CACNA1B: variants seen among roughly 807,000 people sequenced by gnomAD.
The protein encoded by CACNA1B is voltage-dependent N-type calcium channel subunit alpha-1B.
In CACNA1B, 70 loss-of-function variants were observed where a neutral mutation model predicts 247.2. The observed-to-expected ratio is 0.28, with a 90% confidence interval of 0.23 to 0.35. The LOEUF (loss-of-function observed/expected upper bound fraction) is 0.35. Among genes scored for constraint, CACNA1B ranks in the 10% least tolerant of loss-of-function variants. The pLI is 1.00. For missense variants in CACNA1B, 2,367 were observed against 3,197.4 expected, an observed-to-expected ratio of 0.74 and a Z score of 6.26; for synonymous variants, 1,231 against 1,294.4, an observed-to-expected ratio of 0.95 and a Z score of 1.05.
chr9:138,043,104 C>A (rs547736750), intron 20 of CACNA1B, among the ~76,000 whole-genome samples: 1 of 152,268 alleles, frequency 6.6e-6, no homozygotes, highest in South Asian at 2.1e-4. Flanking sequence ...AACAAGGTGG[C>A]GGCCATATTA....
At chr9:138,096,233 G>A (rs1195441045) in intron 36 of CACNA1B, among the ~76,000 whole-genome samples, 4 of 152,132 alleles carry the variant, frequency 2.6e-5, no homozygotes, top group African/African-American at 9.7e-5. Flanking sequence ...AGAGAGGAAG[G>A]GAGGGAGGGT....
chr9:137,955,912 G>A lies in CACNA1B; in HGVS notation c.1186+99G>A. 1.2e-6 allele frequency: 1 copy of A among 802,086 alleles called. No homozygotes were observed. Among genetic ancestry groups the A allele is most frequent in the South Asian group, 1.5e-5 (1 of 68,210 alleles). The allele number at this position is 802,086 out of a possible 1,614,324, so 49.7% of individuals were successfully genotyped here. ...CCAGCTGGGGTGCCCTGGCTGCTGG[G>A]TAGAGCCTGAAGGGATTTTGTAGTG... On this transcript the variant is annotated intron_variant, in intron 8 of 46. Transcript: ENST00000371372. The surrounding 1 kb of genome is among the most constrained non-coding windows in gnomAD (Gnocchi z 6.9).
At chr9:138,043,922 T>C in intron 21 of CACNA1B, 22 bp downstream of exon 21, 1 of 1,609,388 alleles carries the variant, frequency 6.2e-7, no homozygotes, top group Non-Finnish European at 8.5e-7. Context: ...TGCCTGCTGG[T>C]GTGTGTGGCC....
intron 10 of CACNA1B, among the ~76,000 whole-genome samples, chr9:137,966,615 T>G (rs1958079694): frequency 6.6e-6 from 1 of 151,712 alleles, no homozygotes. Context: ...CTCAGCTCCC[T>G]GCAACCTCTG....
chr9:137,987,027 C>T (rs1012005284), intron 15 of CACNA1B, among the ~76,000 whole-genome samples, 173 bp downstream of exon 15: 6 of 152,238 alleles, frequency 3.9e-5, no homozygotes, highest in Non-Finnish European at 7.3e-5. Flanking sequence ...CAGCAACCTG[C>T]AGATCTCCAG....
chr9:138,089,220 G>A (rs1189822721), intron 36 of CACNA1B, among the ~76,000 whole-genome samples: 1 of 151,902 alleles, frequency 6.6e-6, no homozygotes, highest in Non-Finnish European at 1.5e-5. Flanking sequence ...GAAACTATAG[G>A]CCAATATTTC....
chr9:138,007,703 C>T lies in CACNA1B; in HGVS notation c.2092+819C>T, dbSNP rs1469198449. Reference sequence around the variant, plus strand: ...GCATTCTCACAGGCTGCAGGGGGAGCCCGTGTTTCTGTTCTGGGGACCCCA... The same window carrying T: ...GCATTCTCACAGGCTGCAGGGGGAGTCCGTGTTTCTGTTCTGGGGACCCCA... On this transcript the variant is annotated intron_variant, in intron 16 of 46. Transcript: ENST00000371372. The surrounding 1 kb of genome is among the most constrained non-coding windows in gnomAD (Gnocchi z 4.1). 3.9e-5 allele frequency among the ~76,000 whole-genome samples: 6 copies of T among 152,106 alleles called. No individual in the cohort carries two copies. Among genetic ancestry groups the T allele is most frequent in the African/African-American group, 4.8e-5 (2 of 41,418 alleles).
chr9:137,892,442 G>A, intron 3 of CACNA1B: 1 of 439,838 alleles, frequency 2.3e-6, no homozygotes, highest in Non-Finnish European at 4.6e-6. Context: ...GTGCATCATT[G>A]CATCGTGAAA....
chr9:138,070,613 A>G (rs1960093416), intron 32 of CACNA1B, among the ~76,000 whole-genome samples: 1 of 152,244 alleles, frequency 6.6e-6, no homozygotes, highest in African/African-American at 2.4e-5. Context: ...TTTGTGATAC[A>G]GCGATTCACA....
intron 3 of CACNA1B, among the ~76,000 whole-genome samples, chr9:137,900,413 T>G (rs1444368724): frequency 6.6e-6 from 1 of 152,066 alleles, no homozygotes; most frequent in African/African-American, 2.4e-5. Flanking sequence ...TGACTGCTGT[T>G]GTGTCTCTGC....
At chr9:137,912,414 G>T (rs927591423) in intron 3 of CACNA1B, among the ~76,000 whole-genome samples, 4 of 152,224 alleles carry the variant, frequency 2.6e-5, no homozygotes, top group Admixed American at 2.6e-4. Context: ...CAAGAGGAAG[G>T]CTTGAGGTAG....
chr9:138,069,448 A>G (rs1960042166), intron 31 of CACNA1B, among the ~76,000 whole-genome samples: 1 of 152,240 alleles, frequency 6.6e-6, no homozygotes, highest in Non-Finnish European at 1.5e-5. Context: ...CCTTGTCTGC[A>G]TAACCTACAG....
At chr9:137,943,342 G>T (rs1957755071) in intron 6 of CACNA1B, among the ~76,000 whole-genome samples, 1 of 152,156 alleles carries the variant, frequency 6.6e-6, no homozygotes. Context: ...CTTTTCTAGA[G>T]GATTGAGGCC....
At chr9:138,024,295 G>A (rs1958892378) in intron 19 of CACNA1B, among the ~76,000 whole-genome samples, 1 of 152,140 alleles carries the variant, frequency 6.6e-6, no homozygotes, top group Non-Finnish European at 1.5e-5. Context: ...AGCTAGCCCA[G>A]CTTGCTCCCT....
rs903438217 is a variant in CACNA1B at position 138,121,580 on chromosome 9, A to G, written c.6601A>G (p.Ile2201Val). The change falls in exon 47 of 47, where the codon ATC becomes GTC. Residue 2201 changes from isoleucine to valine, a missense_variant. Physicochemically the swap from Ile to Val is conservative, Grantham distance 29. Around this residue, in one of 12 missense-constraint regions of CACNA1B, gnomAD observed 773 missense variants for 779.4 expected, o/e 0.99. Transcript: ENST00000371372. The surrounding 1 kb of genome is among the most constrained non-coding windows in gnomAD (Gnocchi z 6.8). ...PQTPLTPRPS[I>V]TYKTANSSPI... ...GACGCCCCTGACTCCCCGCCCCAGC[A>G]TCACCTACAAGACGGCCAACTCCTC... 1.9e-6 allele frequency: 3 copies of G among 1,611,784 alleles called. No homozygotes were observed. The highest frequency in any genetic ancestry group is 1.7e-5 in the Admixed American group (1 of 59,884).
At position 138,047,285 on chromosome 9, in the gene CACNA1B, C is replaced by T. The variant is rs538402156; in HGVS notation, c.3544-114C>T. 3.6e-6 allele frequency: 3 copies of T among 836,466 alleles called. No homozygotes were observed. The East Asian group carries it at 7.7e-5, about 22-fold the overall frequency. 51.8% of individuals were successfully genotyped at this position (836,466 alleles called of 1,614,324 possible). A position where few individuals can be genotyped will look rare whatever the true frequency, so the allele number is the denominator to read the frequency against. ...TCCCAGAACCGTTTTCCACAGGCTTCCTGGCTCCCTGGCTGACTGCTCAGA... is the reference window on the plus strand; with the variant it reads ...TCCCAGAACCGTTTTCCACAGGCTTTCTGGCTCCCTGGCTGACTGCTCAGA... On this transcript the variant is annotated intron_variant, in intron 22 of 46. Transcript: ENST00000371372.
In CACNA1B at chr9:137,971,332, A is replaced by C; in HGVS notation, c.1334-51A>C. On this transcript the variant is annotated intron_variant, in intron 10 of 46. Transcript: ENST00000371372. The surrounding 1 kb of genome is among the most constrained non-coding windows in gnomAD (Gnocchi z 4.4). Reference sequence around the variant, plus strand: ...GTCTGTGGGGGTCCACAGGTGGGGTAGGCGGGTGCCCATTGGTCCCCACAT... The same window carrying C: ...GTCTGTGGGGGTCCACAGGTGGGGTCGGCGGGTGCCCATTGGTCCCCACAT... The C allele has an allele frequency of 7.4e-7, 1 of 1,344,158 alleles. No individual in the cohort carries two copies. The allele number at this position is 1,344,158 out of a possible 1,614,324, so 83.3% of individuals were successfully genotyped here. A position where few individuals can be genotyped will look rare whatever the true frequency, so the allele number is the denominator to read the frequency against.
intron 10 of CACNA1B, among the ~76,000 whole-genome samples, chr9:137,968,109 G>A (rs559826723): frequency 7.4e-4 from 112 of 152,156 alleles, no homozygotes; most frequent in African/African-American, 2.3e-3. Flanking sequence ...GGATCTCTGG[G>A]CCTTTGTTGA....
chr9:138,060,326 G>A (rs1023968344), intron 31 of CACNA1B, among the ~76,000 whole-genome samples: 1 of 152,204 alleles, frequency 6.6e-6, no homozygotes, highest in African/African-American at 2.4e-5. Context: ...GTCTTAGGTT[G>A]AATTCTCGAG....
Sources: allele counts gnomAD v4.1 joint callset (sites outside exome capture counted in the v4.1 genomes callset), GRCh38; gene constraint gnomAD v4.1.1; regional missense constraint gnomAD v4.1.1; non-coding constraint Gnocchi (gnomAD v3.1); transcripts MANE v1.5; gene names NCBI Gene and HGNC (gene_info 2026-07-23, HGNC 2026-07-21).